The following ZNF461 variants were observed in gnomAD, a reference collection of about 807,000 sequenced individuals.
The protein encoded by ZNF461 is zinc finger protein 461, also known as gonadotropin-inducible ovarian transcription factor-1.
A neutral mutation model predicts 18.3 loss-of-function variants in ZNF461; 16 were observed. That is an observed-to-expected ratio of 0.88 (90% CI 0.59 to 1.33). The LOEUF (loss-of-function observed/expected upper bound fraction) is 1.33. Among genes scored for constraint, ZNF461 ranks in the 40% most tolerant of loss-of-function variants. ZNF461 has a pLI of 0.00. For missense variants in ZNF461, 595 were observed against 669.9 expected (o/e 0.89, Z 1.23); for synonymous variants, 179 against 216.9 (o/e 0.83, Z 1.54).
intron 2 of ZNF461, among the ~76,000 whole-genome samples, chr19:36,661,397 A>G (rs947625732): frequency 1.3e-5 from 2 of 152,172 alleles, no homozygotes; most frequent in Non-Finnish European, 2.9e-5. Context: ...AGCAAAACAA[A>G]GAGATATAGC....
intron 5 of ZNF461, among the ~76,000 whole-genome samples, chr19:36,642,256 C>T (rs1208973541): frequency 6.6e-6 from 1 of 152,072 alleles, no homozygotes; most frequent in African/African-American, 2.4e-5. Flanking sequence ...GTCTTTCAGT[C>T]CTGAGGATTA....
intron 1 of ZNF461, among the ~76,000 whole-genome samples, chr19:36,666,053 T>A (rs2037920290): frequency 6.6e-6 from 1 of 151,286 alleles, no homozygotes; most frequent in Non-Finnish European, 1.5e-5. Flanking sequence ...GGAAGCTCTC[T>A]GCCTGATCGT....
At position 36,639,243 on chromosome 19, in the gene ZNF461, G is replaced by C; in HGVS notation, c.1102C>G (p.His368Asp). 1.2e-6 allele frequency: 2 copies of C among 1,613,802 alleles called. No homozygotes were observed. Among genetic ancestry groups the C allele is most frequent in the Non-Finnish European group, 8.5e-7 (1 of 1,179,944 alleles). Residue 368 changes from histidine (H) to aspartate (D), a missense_variant, in exon 6 of 6, where the codon CAT becomes GAT. Transcript: ENST00000588268. Reference sequence around the variant, plus strand: ...TGATGTATAGTAAGATGTGAGCGATGCCTAAAAGTCTTTCCACATTCTTTA... The same window carrying C: ...TGATGTATAGTAAGATGTGAGCGATCCCTAAAAGTCTTTCCACATTCTTTA... ...ECKECGKTFR[H>D]RSHLTIHQRI...
At chr19:36,655,855 A>C (rs2145402940) in intron 4 of ZNF461, among the ~76,000 whole-genome samples, 1 of 152,290 alleles carries the variant, frequency 6.6e-6, no homozygotes, top group Non-Finnish European at 1.5e-5. Flanking sequence ...TATATGGTGT[A>C]AGACAAGGGT....
At chr19:36,663,516 A>AT (rs753269882) in intron 2 of ZNF461, among the ~76,000 whole-genome samples, 1,304 of 129,840 alleles carry the variant, frequency 0.01, 36 homozygotes, top group East Asian at 0.093. Context: ...TTATTATGTA[A>AT]TTTTTTTTTT....
chr19:36,645,605 G>A (rs909340399), intron 4 of ZNF461, among the ~76,000 whole-genome samples: 7 of 152,024 alleles, frequency 4.6e-5, no homozygotes, highest in Admixed American at 4.6e-4. Flanking sequence ...ACCACAGTCA[G>A]CTAACTAACC....
At chr19:36,642,816 G>A (rs1019537511) in intron 5 of ZNF461, among the ~76,000 whole-genome samples, 7 of 151,618 alleles carry the variant, frequency 4.6e-5, no homozygotes, top group Non-Finnish European at 7.4e-5. Context: ...GTGCAATGGT[G>A]CGATCTCGGC....
rs759185878 is a variant in ZNF461 at position 36,664,703 on chromosome 19, C to G, written c.4G>C (p.Ala2Pro). 6.6e-7 allele frequency: 1 copy of G among 1,505,992 alleles called. No homozygotes were observed. Among genetic ancestry groups the G allele is most frequent in the South Asian group, 1.4e-5 (1 of 73,430 alleles). The allele number at this position is 1,505,992 out of a possible 1,614,324, so 93.3% of individuals were successfully genotyped here. Residue 2 changes from alanine (A) to proline (P), a missense_variant, in exon 2 of 6, where the codon GCC becomes CCC. Transcript: ENST00000588268. MAHELVMFRDVA... is the reference protein window; with the variant it reads MPHELVMFRDVA... ...GCAAGAAAAAACCAACTTACATGGG[C>G]CATGTCTTATTTTAGAATTGAATGT...
At chr19:36,643,059 G>A (rs1315804480) in intron 5 of ZNF461, among the ~76,000 whole-genome samples, 5 of 151,982 alleles carry the variant, frequency 3.3e-5, no homozygotes, top group African/African-American at 7.3e-5. Flanking sequence ...GTGAGCCACC[G>A]CACTCGGCCA....
Position 36,656,450 on chromosome 19 carries a change from G to A in ZNF461, c.230C>T (p.Pro77Leu), listed in dbSNP as rs752511994. Residue 77 changes from proline (P) to leucine (L), a missense_variant and splice_region_variant, in exon 4 of 6, where the codon CCA becomes CTA. By Grantham distance (98) the Pro-to-Leu change is moderately conservative. Coordinates refer to ENST00000588268, the MANE Select transcript of ZNF461 (RefSeq NM_153257.5). ...GCTTCCTGTGCTTGCTCACTCACCT[G>A]GGCACCATCTTCCTGTCTCTTCCCT... ...VVREETGRWC[P>L]GTWKTWGFHN... 2 of 1,613,520 alleles carry A rather than the reference G, an allele frequency of 1.2e-6. No homozygotes were observed. Among genetic ancestry groups the A allele is most frequent in the South Asian group, 2.2e-5 (2 of 91,068 alleles).
chr19:36,664,897 C>T, intron 1 of ZNF461, 111 bp from the exon 2 acceptor site: 1 of 416,348 alleles, frequency 2.4e-6, no homozygotes, highest in Admixed American at 4.4e-5. Flanking sequence ...TATTCCCAGA[C>T]CTGATACATA....
In ZNF461 at chr19:36,664,697, C is replaced by T; in HGVS notation, c.9+1G>A. 1 of 1,511,326 alleles carries T rather than the reference C, an allele frequency of 6.6e-7. No homozygotes were observed. The highest frequency in any genetic ancestry group is 8.8e-7 in the Non-Finnish European group (1 of 1,137,186). 93.6% of individuals were successfully genotyped at this position (1,511,326 alleles called of 1,614,324 possible). A position where few individuals can be genotyped will look rare whatever the true frequency, so the allele number is the denominator to read the frequency against. ...TTAGGAGCAAGAAAAAACCAACTTA[C>T]ATGGGCCATGTCTTATTTTAGAATT... On this transcript the variant is annotated splice_donor_variant, in intron 2 of 5. Transcript: ENST00000588268. LOFTEE classifies it high-confidence loss of function.
At chr19:36,666,242 G>A (rs1413507288) in intron 1 of ZNF461, among the ~76,000 whole-genome samples, 1 of 151,850 alleles carries the variant, frequency 6.6e-6, no homozygotes, top group African/African-American at 2.4e-5. Flanking sequence ...TTACAGACAT[G>A]CACCACCATA....
intron 2 of ZNF461, among the ~76,000 whole-genome samples, chr19:36,662,946 T>A (rs1317753906): frequency 6.6e-6 from 1 of 152,168 alleles, no homozygotes; most frequent in Non-Finnish European, 1.5e-5. Flanking sequence ...TATTAAATTT[T>A]GTCTACTTGG....
chr19:36,665,694 G>A (rs1362299196), intron 1 of ZNF461, among the ~76,000 whole-genome samples: 3 of 106,334 alleles, frequency 2.8e-5, no homozygotes, highest in African/African-American at 1.2e-4. Context: ...CGGTGAAAGA[G>A]AGAAACTTCG....
At chr19:36,648,582 G>A (rs940055589) in intron 4 of ZNF461, among the ~76,000 whole-genome samples, 4 of 151,402 alleles carry the variant, frequency 2.6e-5, no homozygotes, top group Admixed American at 6.6e-5. Flanking sequence ...TTTTGTTTTC[G>A]TTTTTGGTTT....
chr19:36,646,329 A>G (rs886316128), intron 4 of ZNF461, among the ~76,000 whole-genome samples: 1 of 152,050 alleles, frequency 6.6e-6, no homozygotes, highest in Non-Finnish European at 1.5e-5. Flanking sequence ...ACGGAGTTTC[A>G]CCATGTTACC....
chr19:36,649,396 T>C (rs2037586555), intron 4 of ZNF461, among the ~76,000 whole-genome samples: 1 of 152,234 alleles, frequency 6.6e-6, no homozygotes, highest in South Asian at 2.1e-4. Flanking sequence ...AATGGCATAA[T>C]CTTGGCTCAC....
rs528242708 is a variant in ZNF461 at position 36,637,467 on chromosome 19, T to G, written c.*1186A>C. 1 of 153,752 alleles carries G rather than the reference T, an allele frequency of 6.5e-6. No homozygotes were observed. The highest frequency in any genetic ancestry group is 1.9e-4 in the East Asian group (1 of 5,200). The allele number at this position is 153,752 out of a possible 1,614,324, so 9.5% of individuals were successfully genotyped here. A position where few individuals can be genotyped will look rare whatever the true frequency, so the allele number is the denominator to read the frequency against. The stretch of plus-strand genomic sequence containing the variant: ...CGCCCGCCTCGGCCTCCCAAAGTGC[T>G]GGGATTACAGGCATGAGCCACCAAG... On this transcript the variant is annotated 3_prime_UTR_variant, in exon 6 of 6. Coordinates refer to ENST00000588268, the MANE Select transcript of ZNF461 (RefSeq NM_153257.5).
Sources: gnomAD v4.1 joint callset for allele counts (sites outside exome capture counted in the v4.1 genomes callset) on GRCh38, gnomAD v4.1.1 for gene constraint, MANE v1.5 for transcripts, NCBI Gene and HGNC (gene_info 2026-07-23, HGNC 2026-07-21) for gene names.